The following SFPQ variants were observed in gnomAD, a reference collection of about 807,000 sequenced individuals.
SFPQ encodes splicing factor, proline- and glutamine-rich.
Under a neutral mutation model 72.9 loss-of-function variants are expected in SFPQ, and 11 were observed. The ratio of observed to expected loss-of-function variants is 0.15; its 90% CI spans 0.09 to 0.25. SFPQ has a LOEUF of 0.25. SFPQ is among the 10% of genes least tolerant of loss of function. SFPQ has a pLI of 1.00. For synonymous variants in SFPQ, 506 were observed against 367.3 expected (o/e 1.38, Z -4.32); for missense variants, 847 against 993.3 (o/e 0.85, Z 1.98).
At chr1:35,186,884 G>C in intron 9 of SFPQ, 117 bp downstream of exon 9, 1 of 979,368 alleles carries the variant, frequency 1.0e-6, no homozygotes, top group Admixed American at 2.5e-5. Context: ...GAAATTGGTA[G>C]GGGAAACTAA....
downstream of SFPQ, chr1:35,181,864 G>A: frequency 1.0e-6 from 1 of 985,190 alleles, no homozygotes; most frequent in Non-Finnish European, 1.2e-6. Context: ...GTCTATTTGA[G>A]TAAGCTTACA....
At chr1:35,189,162 A>T (rs1298826782) in intron 5 of SFPQ, 24 bp downstream of exon 5, 1 of 1,613,550 alleles carries the variant, frequency 6.2e-7, no homozygotes. Flanking sequence ...CTTAGCAATG[A>T]TGTTCACGCA....
intron 9 of SFPQ, among the ~76,000 whole-genome samples, chr1:35,186,257 T>A (rs1312147116): frequency 6.6e-6 from 1 of 152,204 alleles, no homozygotes; most frequent in African/African-American, 2.4e-5. Context: ...AATTCAGTCC[T>A]AACGATTTGT....
At chr1:35,178,394 C>A (rs532466919), downstream of SFPQ, 157 of 1,064,892 alleles carry the variant, frequency 1.5e-4, no homozygotes, top group South Asian at 7.5e-4. Flanking sequence ...AACATCAGCT[C>A]TTTTTTCATA....
rs963073148 is a variant in SFPQ, at chr1:35,191,549, G to A, written c.829-20C>T. 3.8e-5 allele frequency: 61 copies of A among 1,586,868 alleles called. No homozygotes were observed. The highest frequency in any genetic ancestry group is 5.2e-5 in the Non-Finnish European group (60 of 1,162,954). On this transcript the variant is annotated intron_variant, in intron 1 of 9. Coordinates refer to ENST00000357214, the MANE Select transcript of SFPQ (RefSeq NM_005066.3). ...AAACCCCTAATGAAAAAGGAAAGAA[G>A]TTTTCAAACACCAGAGACCTCTGCA...
intron 9 of SFPQ, among the ~76,000 whole-genome samples, chr1:35,186,398 ATTG>A (rs1349451332): frequency 6.6e-6 from 1 of 152,190 alleles, no homozygotes; most frequent in Non-Finnish European, 1.5e-5. Context: ...ATGCTTAAAA[ATTG>A]TTGATTTTTG....
At position 35,183,118 on chromosome 1, in the gene SFPQ, T is replaced by C. The variant is rs923739310; in HGVS notation, c.*1338A>G. ...CCACTAGCTCTTAGAAGAGAACCAA[T>C]AGATTTTTATAGTCCTATAGATTTT... is the stretch of plus-strand genomic sequence containing the variant. On this transcript the variant is annotated 3_prime_UTR_variant, in exon 10 of 10. Coordinates refer to ENST00000357214, the MANE Select transcript of SFPQ (RefSeq NM_005066.3). The C allele has an allele frequency of 1.7e-5, 17 of 1,028,420 alleles. No individual in the cohort carries two copies. Among genetic ancestry groups the C allele is most frequent in the African/African-American group, 1.2e-4 (7 of 58,950 alleles). The allele number at this position is 1,028,420 out of a possible 1,614,324, so 63.7% of individuals were successfully genotyped here.
rs2148628939 is a variant in SFPQ at position 35,192,585 on chromosome 1, A to C, written c.465T>G (p.Pro155=). 1 of 1,337,202 alleles carries C rather than the reference A, an allele frequency of 7.5e-7. No individual in the cohort carries two copies. Among genetic ancestry groups the C allele is most frequent in the Admixed American group, 4.1e-5 (1 of 24,198 alleles). The allele number at this position is 1,337,202 out of a possible 1,614,324, so 82.8% of individuals were successfully genotyped here. Residue 155 remains proline (P), a synonymous_variant, in exon 1 of 10, where the codon CCT becomes CCG. Coordinates refer to ENST00000357214, the MANE Select transcript of SFPQ (RefSeq NM_005066.3). ...SGPGPTPTPP[P]AVTSAPPGAP... The stretch of plus-strand genomic sequence containing the variant: ...CCCCGGGAGGGGCCGAGGTGACTGC[A>C]GGCGGCGGGGTCGGAGTCGGGCCTG...
In SFPQ at chr1:35,191,547, A is replaced by G; in HGVS notation, c.829-18T>C. ...TTAAACCCCTAATGAAAAAGGAAAG[A>G]AGTTTTCAAACACCAGAGACCTCTG... is the stretch of plus-strand genomic sequence containing the variant. On this transcript the variant is annotated intron_variant, in intron 1 of 9. Transcript: ENST00000357214. 6.3e-7 allele frequency: 1 copy of G among 1,594,680 alleles called. No individual in the cohort carries two copies. Among genetic ancestry groups the G allele is most frequent in the South Asian group, 1.1e-5 (1 of 89,134 alleles).
rs551915675 is a variant in SFPQ at position 35,185,799 on chromosome 1, C to T, written c.1986+1202G>A. 2.6e-5 allele frequency among the ~76,000 whole-genome samples: 4 copies of T among 152,146 alleles called. No individual in the cohort carries two copies. The East Asian group carries it at 7.7e-4, about 29-fold the overall frequency. On this transcript the variant is annotated intron_variant, in intron 9 of 9. Coordinates refer to ENST00000357214, the MANE Select transcript of SFPQ (RefSeq NM_005066.3). ...TGGCTCATTGTTCTGTGTTCTACCT[C>T]TAAGAACTTAAAAAAAAGAAAAAGT... is the stretch of plus-strand genomic sequence containing the variant.
At chr1:35,179,184 G>T, downstream of SFPQ, 1 of 1,060,802 alleles carries the variant, frequency 9.4e-7, no homozygotes, top group Non-Finnish European at 1.1e-6. Flanking sequence ...ATCATTAAGT[G>T]AAAGGCAGTA....
At position 35,183,119 on chromosome 1, in the gene SFPQ, A is replaced by T; in HGVS notation, c.*1337T>A. On this transcript the variant is annotated 3_prime_UTR_variant, in exon 10 of 10. Coordinates refer to ENST00000357214, the MANE Select transcript of SFPQ (RefSeq NM_005066.3). ...CACTAGCTCTTAGAAGAGAACCAAT[A>T]GATTTTTATAGTCCTATAGATTTTG... 1 of 1,028,806 alleles carries T rather than the reference A, an allele frequency of 9.7e-7. No individual in the cohort carries two copies. The highest frequency in any genetic ancestry group is 1.2e-6 in the Non-Finnish European group (1 of 856,182). The allele number at this position is 1,028,806 out of a possible 1,614,324, so 63.7% of individuals were successfully genotyped here.
Position 35,183,024 on chromosome 1 carries a change from G to GA in SFPQ, c.*1431dup, listed in dbSNP as rs1639535167. The GA allele has an allele frequency of 2.9e-6, 3 of 1,035,180 alleles. No homozygotes were observed. The highest frequency in any genetic ancestry group is 3.4e-5 in the African/African-American group (2 of 59,308). The allele number at this position is 1,035,180 out of a possible 1,614,324, so 64.1% of individuals were successfully genotyped here. ...TCCAGATTTAGTGCTACATGAAAAC[G>GA]AAACTATGTGAAAACAAGTTAAATT... On this transcript the variant is annotated 3_prime_UTR_variant, in exon 10 of 10. Transcript: ENST00000357214.
At chr1:35,178,360 CGTTGACCTCACCAAATGA>C (rs1639332264), downstream of SFPQ, 6 of 1,063,194 alleles carry the variant, frequency 5.6e-6, no homozygotes, top group Non-Finnish European at 6.8e-6. Context: ...TATGTGACAA[CGTTGACCTCACCAAATGA>C]GTTTTAACAT....
chr1:35,192,302 G>T lies in SFPQ; in HGVS notation c.748C>A (p.Pro250Thr). The T allele has an allele frequency of 6.9e-7, 1 of 1,451,044 alleles. No individual in the cohort carries two copies. The highest frequency in any genetic ancestry group is 9.0e-7 in the Non-Finnish European group (1 of 1,111,826). The allele number at this position is 1,451,044 out of a possible 1,614,324, so 89.9% of individuals were successfully genotyped here. The change falls in exon 1 of 10, where the codon CCC becomes ACC. Residue 250 changes from proline to threonine, a missense_variant. Transcript: ENST00000357214. The part of the protein sequence containing the change: ...EPRGGRQHHP[P>T]YHQQHHQGPP... ...CCCTGGTGATGCTGCTGGTGGTAGG[G>T]CGGGTGGTGCTGGCGGCCCCCGCGG...
chr1:35,178,588 T>TA, downstream of SFPQ: 1 of 1,058,140 alleles, frequency 9.5e-7, no homozygotes, highest in Non-Finnish European at 1.1e-6. Flanking sequence ...CACTGAGTTT[T>TA]AAAGTTAGGG....
chr1:35,184,198 G>C lies in SFPQ; in HGVS notation c.*258C>G, dbSNP rs1340543444. 2.5e-6 allele frequency: 3 copies of C among 1,206,706 alleles called. No homozygotes were observed. Among genetic ancestry groups the C allele is most frequent in the Non-Finnish European group, 3.1e-6 (3 of 977,482 alleles). The allele number at this position is 1,206,706 out of a possible 1,614,324, so 74.7% of individuals were successfully genotyped here. On this transcript the variant is annotated 3_prime_UTR_variant, in exon 10 of 10. Coordinates refer to ENST00000357214, the MANE Select transcript of SFPQ (RefSeq NM_005066.3). The stretch of plus-strand genomic sequence containing the variant: ...CACTTTGGAAATTCAGTGGCACAAG[G>C]TACACTGCCATAAACTTGAGGGACA...
At chr1:35,181,536 A>G (rs1004272285), downstream of SFPQ, 7 of 1,062,808 alleles carry the variant, frequency 6.6e-6, no homozygotes, top group Admixed American at 2.7e-4. Flanking sequence ...TTATGGTTTC[A>G]CTAACATGAG....
chr1:35,182,927 C>CA, downstream of SFPQ: 10 of 1,045,432 alleles, frequency 9.6e-6, no homozygotes, highest in Non-Finnish European at 1.0e-5. Flanking sequence ...TAACTGACAA[C>CA]ACCATGGAAA....
Sources: gnomAD v4.1 joint callset for allele counts (sites outside exome capture counted in the v4.1 genomes callset) on GRCh38, gnomAD v4.1.1 for gene constraint, MANE v1.5 for transcripts, NCBI Gene and HGNC (gene_info 2026-07-23, HGNC 2026-07-21) for gene names.